PRG2: variants seen among roughly 807,000 people sequenced by gnomAD.
The protein encoded by PRG2 is bone marrow proteoglycan.
Under a neutral mutation model 24.7 loss-of-function variants are expected in PRG2, and 23 were observed. The ratio of observed to expected loss-of-function variants is 0.93; its 90% confidence interval spans 0.67 to 1.32. PRG2 has a LOEUF of 1.32. Among genes scored for constraint, PRG2 ranks in the 40% most tolerant of loss-of-function variants. The probability of loss-of-function intolerance (pLI) is 0.00; values close to 1 mark genes in which losing one functional copy is unlikely to be tolerated. For missense variants in PRG2, 271 were observed against 280.9 expected (o/e 0.96, Z 0.25); for synonymous variants, 104 against 99.8 (o/e 1.04, Z -0.25).
intron 1 of PRG2, 73 bp from the exon 2 acceptor site, chr11:57,390,029 G>A: frequency 7.9e-7 from 1 of 1,268,958 alleles, no homozygotes; most frequent in Non-Finnish European, 1.1e-6. Flanking sequence ...CACACCATTA[G>A]GGGACCGTGG....
chr11:57,387,909 G>C, intron 4 of PRG2, 44 bp from the exon 5 acceptor site: 1 of 1,404,834 alleles, frequency 7.1e-7, no homozygotes, highest in Non-Finnish European at 9.7e-7. Flanking sequence ...CAGAGGGAAG[G>C]CAGAGAAGCA....
rs546435048 is a variant in PRG2, at chr11:57,388,861, C to G, written c.366+149G>C. 6.0e-5 allele frequency: 85 copies of G among 1,413,378 alleles called. No individual in the cohort carries two copies. In the Middle Eastern group the frequency reaches 7.4e-4, roughly 12 times the overall value. 87.6% of individuals were successfully genotyped at this position (1,413,378 alleles called of 1,614,324 possible). Reference sequence around the variant, plus strand: ...CAACTTCTGTTTGTAGGTGGCCCTCCCCTCTTACCCCAACACCTCTCTGAG... The same window carrying G: ...CAACTTCTGTTTGTAGGTGGCCCTCGCCTCTTACCCCAACACCTCTCTGAG... On this transcript the variant is annotated intron_variant, in intron 3 of 5. Transcript: ENST00000311862.
intron 1 of PRG2, 141 bp from the exon 2 acceptor site, chr11:57,390,097 A>C: frequency 4.7e-5 from 33 of 708,044 alleles, no homozygotes; most frequent in East Asian, 5.3e-5. Context: ...AGAAAAGCTC[A>C]TGCCAAGCCC....
At position 57,389,112 on chromosome 11, in the gene PRG2, C is replaced by T. The variant is rs184265201; in HGVS notation, c.264G>A (p.Thr88=). The change falls in exon 3 of 6, where the codon ACG becomes ACA. Residue 88 remains threonine (T), a synonymous_variant. Coordinates refer to ENST00000311862, the MANE Select transcript of PRG2 (RefSeq NM_002728.6). ...SVPDMVDKNL[T]CPEEEDTVKV... ...TTACTGTGTCCTCTTCCTCAGGACA[C>T]GTAAGGTTTTTGTCCACCATATCTG... 369 of 1,614,194 alleles carry T rather than the reference C, an allele frequency of 2.3e-4. 5 individuals carry two copies. The Admixed American group carries it at 5.3e-3, about 23-fold the overall frequency.
At position 57,387,631 on chromosome 11, in the gene PRG2, C is replaced by T. The variant is rs570297013; in HGVS notation, c.611-98G>A. On this transcript the variant is annotated intron_variant, in intron 5 of 5. Coordinates refer to ENST00000311862, the MANE Select transcript of PRG2 (RefSeq NM_002728.6). ...TCCCACCCACACACTGCTGTGGAGTCAGAGTATATAAAAGACCCAGGAAGC... is the reference window on the plus strand; with the variant it reads ...TCCCACCCACACACTGCTGTGGAGTTAGAGTATATAAAAGACCCAGGAAGC... 9.7e-5 allele frequency: 136 copies of T among 1,401,574 alleles called. No individual in the cohort carries two copies. The South Asian group carries it at 1.7e-3, about 18-fold the overall frequency. 86.8% of individuals were successfully genotyped at this position (1,401,574 alleles called of 1,614,324 possible).
At chr11:57,389,596 C>G (rs1857119313) in intron 2 of PRG2, among the ~76,000 whole-genome samples, 3 of 152,228 alleles carry the variant, frequency 2.0e-5, no homozygotes, top group Admixed American at 1.3e-4. Flanking sequence ...CCACCTACTT[C>G]ATGGCGATGC....
intron 2 of PRG2, 134 bp from the exon 3 acceptor site, chr11:57,389,451 T>C: frequency 1.9e-6 from 2 of 1,028,920 alleles, no homozygotes; most frequent in African/African-American, 3.2e-5. Flanking sequence ...TGGAACCCAG[T>C]CTCTATGAGG....
chr11:57,389,818 A>C, intron 2 of PRG2, 69 bp downstream of exon 2: 1 of 1,406,752 alleles, frequency 7.1e-7, no homozygotes, highest in South Asian at 1.2e-5. Context: ...TGGGTGTGTA[A>C]CTCTGACCCC....
intron 1 of PRG2, 66 bp downstream of exon 1, chr11:57,390,530 C>G: frequency 1.0e-6 from 1 of 961,200 alleles, no homozygotes; most frequent in Non-Finnish European, 1.2e-6. Flanking sequence ...AACTGTCAGC[C>G]ACAGCCAGGG....
Position 57,388,581 on chromosome 11 carries a change from C to G in PRG2, c.494G>C (p.Gly165Ala). The G allele has an allele frequency of 6.2e-7, 1 of 1,613,876 alleles. No homozygotes were observed. The highest frequency in any genetic ancestry group is 1.1e-5 in the South Asian group (1 of 91,070). ...GQVWIGGRIT[G>A]SGRCRRFQWV... ...TAGTGTTCACACTTCTCTTACCGAG[C>G]CTGTGATCCTGCCTCCAATCCAGAC... The change falls in exon 4 of 6, where the codon GGC becomes GCC. Residue 165 changes from glycine to alanine, a missense_variant. Physicochemically the swap from Gly to Ala is moderately conservative, Grantham distance 60. Coordinates refer to ENST00000311862, the MANE Select transcript of PRG2 (RefSeq NM_002728.6).
intron 2 of PRG2, 92 bp from the exon 3 acceptor site, chr11:57,389,409 AGAGT>A: frequency 7.3e-7 from 1 of 1,375,382 alleles, no homozygotes; most frequent in Non-Finnish European, 9.8e-7. Context: ...CCTGGGCATC[AGAGT>A]GCTCAACTCT....
chr11:57,390,075 T>C, intron 1 of PRG2, 119 bp from the exon 2 acceptor site: 2 of 807,806 alleles, frequency 2.5e-6, no homozygotes, highest in Non-Finnish European at 3.9e-6. Context: ...TGAATAGAAA[T>C]CAGGATGGGC....
rs78181659 is a variant in PRG2 at position 57,390,644 on chromosome 11, C to T, written c.-61G>A. On this transcript the variant is annotated 5_prime_UTR_variant, in exon 1 of 6. Transcript: ENST00000311862. The stretch of plus-strand genomic sequence containing the variant: ...TTTAGATCTTCCCAAAGCCCAGGTC[C>T]TTCTTTGCTTCCTCTCACAAAGACT... The T allele has an allele frequency of 1.7e-4, 165 of 985,498 alleles. 5 individuals are homozygous for T. In the East Asian group the frequency reaches 0.017, roughly 104 times the overall value. The allele number at this position is 985,498 out of a possible 1,614,324, so 61.0% of individuals were successfully genotyped here. A position where few individuals can be genotyped will look rare whatever the true frequency, so the allele number is the denominator to read the frequency against.
chr11:57,389,574 G>T (rs1857118809), intron 2 of PRG2, among the ~76,000 whole-genome samples: 1 of 152,176 alleles, frequency 6.6e-6, no homozygotes, highest in South Asian at 2.1e-4. Flanking sequence ...TCTGTGAAAT[G>T]GGTATACAAT....
chr11:57,389,804 G>T, intron 2 of PRG2, 83 bp downstream of exon 2: 1 of 1,216,508 alleles, frequency 8.2e-7, no homozygotes, highest in Non-Finnish European at 1.2e-6. Context: ...ATCAAAGAAG[G>T]GGGTGGGTGT....
chr11:57,388,305 G>A (rs1465701320), intron 4 of PRG2, among the ~76,000 whole-genome samples: 2 of 152,020 alleles, frequency 1.3e-5, no homozygotes, highest in Non-Finnish European at 2.9e-5. Flanking sequence ...CTCCCAAGTA[G>A]CTAGGATTAC....
In PRG2 at chr11:57,387,464, C is replaced by G. The variant is rs1857065968; in HGVS notation, c.*11G>C. The G allele has an allele frequency of 6.2e-7, 1 of 1,613,056 alleles. No homozygotes were observed. Among genetic ancestry groups the G allele is most frequent in the Admixed American group, 1.7e-5 (1 of 59,902 alleles). On this transcript the variant is annotated 3_prime_UTR_variant, in exon 6 of 6. Coordinates refer to ENST00000311862, the MANE Select transcript of PRG2 (RefSeq NM_002728.6). The stretch of plus-strand genomic sequence containing the variant: ...GGAGAGGGCAGCTCTGAACTGCTGG[C>G]TGGGACCAGCTCAGTAGGAACAGAT...
chr11:57,390,281 C>T (rs142055764), intron 1 of PRG2, among the ~76,000 whole-genome samples: 1,892 of 152,156 alleles, frequency 0.012, 14 homozygotes, highest in Middle Eastern at 0.027. Context: ...ATAAAAAAGG[C>T]GGGAGAAGCA....
At position 57,387,444 on chromosome 11, in the gene PRG2, G is replaced by A. The variant is rs762230542; in HGVS notation, c.*31C>T. The A allele has an allele frequency of 1.6e-5, 25 of 1,603,968 alleles. 1 individual carries two copies. The Admixed American group carries it at 3.0e-4, about 20-fold the overall frequency. Reference sequence around the variant, plus strand: ...GGAGGGGAGGCAGCTGCCCAGGAGAGGGCAGCTCTGAACTGCTGGCTGGGA... The same window carrying A: ...GGAGGGGAGGCAGCTGCCCAGGAGAAGGCAGCTCTGAACTGCTGGCTGGGA... On this transcript the variant is annotated 3_prime_UTR_variant, in exon 6 of 6. Transcript: ENST00000311862.
Sources: gnomAD v4.1 joint callset for allele counts (sites outside exome capture counted in the v4.1 genomes callset) on GRCh38, gnomAD v4.1.1 for gene constraint, MANE v1.5 for transcripts, NCBI Gene and HGNC (gene_info 2026-07-23, HGNC 2026-07-21) for gene names.